The following PPDPF variants were observed in gnomAD, a reference collection of about 807,000 sequenced individuals.
PPDPF encodes the protein pancreatic progenitor cell differentiation and proliferation factor.
In PPDPF, 11 loss-of-function variants were observed where a neutral mutation model predicts 6.3. The observed-to-expected ratio is 1.76, with a 90% confidence interval of 1.11 to 2.91. PPDPF has a LOEUF of 2.91. Ranked by LOEUF, PPDPF falls within the 30% of genes most tolerant of loss-of-function variation. PPDPF has a pLI of 0.00. For missense variants in PPDPF, 202 were observed against 159.4 expected, an observed-to-expected ratio of 1.27 and a Z score of -1.44; for synonymous variants, 86 against 64.5, an observed-to-expected ratio of 1.33 and a Z score of -1.60.
chr20:63,520,760 TGCGCACCCC>T (rs1457554530), exon 1 of PPDPF: 1 of 983,952 alleles, frequency 1.0e-6, no homozygotes, highest in African/African-American at 1.8e-5. Flanking sequence ...CGTCCGCGCG[TGCGCACCCC>T]GCGCGCGCCT....
In PPDPF at chr20:63,521,728, T is replaced by TCCC. The variant is rs1260759404; in HGVS notation, c.195_197dup (p.Pro66dup). The TCCC allele has an allele frequency of 6.2e-7, 1 of 1,613,226 alleles. No homozygotes were observed. Among genetic ancestry groups the TCCC allele is most frequent in the Non-Finnish European group, 8.5e-7 (1 of 1,179,988 alleles). On this transcript the variant is annotated inframe_insertion, in exon 4 of 4. Transcript: ENST00000370179. ...AGCTTCTTTTTCGGGAAGTCCACCC[T>TCCC]CCCGTTCATGGCCACGGTGTTGGAG...
chr20:63,521,244 A>G (rs2082541427), intron 1 of PPDPF, 40 bp from the exon 2 acceptor site: 1 of 1,506,984 alleles, frequency 6.6e-7, no homozygotes, highest in Non-Finnish European at 8.9e-7. Flanking sequence ...TCATGACGGA[A>G]GGCCGCTGAC....
In PPDPF at chr20:63,521,547, A is replaced by G; in HGVS notation, c.91A>G (p.Ser31Gly). 1 of 1,600,452 alleles carries G rather than the reference A, an allele frequency of 6.2e-7. No individual in the cohort carries two copies. The highest frequency in any genetic ancestry group is 8.5e-7 in the Non-Finnish European group (1 of 1,172,918). ...LGSTSSNSSC[S>G]STECPGEAIP... ...TTCCACTTCCAGCAACAGCTCCTGC[A>G]GCAGTACCGAGTGCCCCGGGGAAGC... The change falls in exon 3 of 4, where the codon AGC (serine) becomes GGC (glycine). Residue 31 changes from serine to glycine, a missense_variant. Physicochemically the swap from Ser to Gly is moderately conservative, Grantham distance 56 (BLOSUM62 0). Transcript: ENST00000370179.
chr20:63,521,952 CACTCCGCA>C lies in PPDPF; in HGVS notation c.*74_*81del. On this transcript the variant is annotated 3_prime_UTR_variant, in exon 4 of 4. Transcript: ENST00000370179. The stretch of plus-strand genomic sequence containing the variant: ...CAGAGCCCCTCCCCGCCCCTCTCCC[CACTCCGCA>C]TCCCTCGCCCCCCTCCCCACCTCCC... 1 of 1,196,130 alleles carries C rather than the reference CACTCCGCA, an allele frequency of 8.4e-7. No individual in the cohort carries two copies. The highest frequency in any genetic ancestry group is 1.2e-6 in the Non-Finnish European group (1 of 860,070). 74.1% of individuals were successfully genotyped at this position (1,196,130 alleles called of 1,614,324 possible).
At chr20:63,521,147 C>T (rs151307704) in intron 1 of PPDPF, 137 bp from the exon 2 acceptor site, 1 of 955,600 alleles carries the variant, frequency 1.0e-6, no homozygotes, top group Admixed American at 3.4e-5. Flanking sequence ...GCCCGCGCCC[C>T]GCGCGGCGAA....
In PPDPF at chr20:63,520,890, C is replaced by T. The variant is rs1027670813; in HGVS notation, c.-30C>T. The T allele has an allele frequency of 1.8e-4, 183 of 996,220 alleles. No homozygotes were observed. The highest frequency in any genetic ancestry group is 6.1e-4 in the Admixed American group (10 of 16,494). 61.7% of individuals were successfully genotyped at this position (996,220 alleles called of 1,614,324 possible). ...CGCCGAGGCCCGCGAGGGGTCGCCG[C>T]CCAGGTGAGGGGCGCCGCGCGCGGG... On this transcript the variant is annotated 5_prime_UTR_variant, in exon 1 of 4. Coordinates refer to ENST00000370179, the MANE Select transcript of PPDPF (RefSeq NM_024299.4).
chr20:63,521,466 G>A (rs310626), intron 2 of PPDPF, 46 bp from the exon 3 acceptor site: 46,352 of 1,562,170 alleles, frequency 0.03, 1,771 homozygotes, highest in Admixed American at 0.18. Flanking sequence ...CCGGTGGGCT[G>A]GGGGGCTCCG....
Position 63,521,810 on chromosome 20 carries a change from G to C in PPDPF, c.276G>C (p.Leu92=), listed in dbSNP as rs780089902. ...QASSSMTACG[L]ARDAPRKQPG... ...CCAGCAGCATGACCGCCTGTGGCCT[G>C]GCTCGGGACGCCCCGAGGAAGCAGC... Residue 92 remains leucine (L), a synonymous_variant, in exon 4 of 4, where the codon CTG becomes CTC. Transcript: ENST00000370179. The C allele has an allele frequency of 1.9e-6, 3 of 1,611,718 alleles. No homozygotes were observed. The African/African-American group carries it at 4.0e-5, about 22-fold the overall frequency.
Position 63,522,038 on chromosome 20 carries a change from A to C in PPDPF, c.*159A>C. The C allele has an allele frequency of 4.8e-6, 3 of 627,902 alleles. No individual in the cohort carries two copies. The highest frequency in any genetic ancestry group is 2.5e-5 in the Admixed American group (1 of 39,832). 38.9% of individuals were successfully genotyped at this position (627,902 alleles called of 1,614,324 possible). On this transcript the variant is annotated 3_prime_UTR_variant, in exon 4 of 4. Transcript: ENST00000370179. ...GCAGCAAGCAGACCTTCGCATCAAC[A>C]CAGCAGACACCAAAAACCAGTGAGA... is the stretch of plus-strand genomic sequence containing the variant.
Position 63,520,875 on chromosome 20 carries a change from C to T in PPDPF, c.-45C>T, listed in dbSNP as rs1177901881. The T allele has an allele frequency of 3.0e-6, 3 of 992,080 alleles. No individual in the cohort carries two copies. The highest frequency in any genetic ancestry group is 6.1e-5 in the Admixed American group (1 of 16,386). 61.5% of individuals were successfully genotyped at this position (992,080 alleles called of 1,614,324 possible). ...CCACCCGTGATCGTGCGCCGAGGCC[C>T]GCGAGGGGTCGCCGCCCAGGTGAGG... On this transcript the variant is annotated 5_prime_UTR_variant, in exon 1 of 4. Transcript: ENST00000370179.
Position 63,520,784 on chromosome 20 carries a change from G to C in PPDPF, c.-136G>C, listed in dbSNP as rs2082536970. On this transcript the variant is annotated 5_prime_UTR_variant, in exon 1 of 4. Transcript: ENST00000370179. ...GTGCGCACCCCGCGCGCGCCTCTCT[G>C]TCGTGGCGCGGCTTCCCGCGGTCTT... The C allele has an allele frequency of 7.2e-6, 7 of 974,306 alleles. No individual in the cohort carries two copies. Among genetic ancestry groups the C allele is most frequent in the Non-Finnish European group, 7.3e-6 (6 of 825,518 alleles). 60.4% of individuals were successfully genotyped at this position (974,306 alleles called of 1,614,324 possible).
At chr20:63,521,437 C>G in intron 2 of PPDPF, 74 bp downstream of exon 2, 1 of 1,581,830 alleles carries the variant, frequency 6.3e-7, no homozygotes, top group Non-Finnish European at 8.6e-7. Flanking sequence ...GGCTGCGGAA[C>G]CAGCGCTCGG....
chr20:63,520,853 C>G lies in PPDPF; in HGVS notation c.-67C>G. 1 of 988,692 alleles carries G rather than the reference C, an allele frequency of 1.0e-6. No individual in the cohort carries two copies. The highest frequency in any genetic ancestry group is 1.1e-4 in the East Asian group (1 of 8,934). 61.2% of individuals were successfully genotyped at this position (988,692 alleles called of 1,614,324 possible). A position where few individuals can be genotyped will look rare whatever the true frequency, so the allele number is the denominator to read the frequency against. On this transcript the variant is annotated 5_prime_UTR_variant, in exon 1 of 4. Coordinates refer to ENST00000370179, the MANE Select transcript of PPDPF (RefSeq NM_024299.4). The stretch of plus-strand genomic sequence containing the variant: ...TGGCCTAGCGCCCCCGTCCCCGCCA[C>G]CCGTGATCGTGCGCCGAGGCCCGCG...
chr20:63,521,201 A>T, intron 1 of PPDPF, 83 bp from the exon 2 acceptor site: 2 of 1,297,826 alleles, frequency 1.5e-6, no homozygotes, highest in Non-Finnish European at 2.1e-6. Flanking sequence ...TAAATAACCC[A>T]GCGCGGCGGC....
chr20:63,521,180 C>A, intron 1 of PPDPF, 104 bp from the exon 2 acceptor site: 1 of 1,139,630 alleles, frequency 8.8e-7, no homozygotes, highest in Non-Finnish European at 1.2e-6. Context: ...AGCTGGGGAG[C>A]CCCGCCTCGG....
chr20:63,521,330 G>C lies in PPDPF; in HGVS notation c.22G>C (p.Gly8Arg). The change falls in exon 2 of 4, where the codon GGC becomes CGC. Residue 8 changes from glycine to arginine, a missense_variant. By Grantham distance (125) the Gly-to-Arg change is moderately radical (BLOSUM62 -2). Coordinates refer to ENST00000370179, the MANE Select transcript of PPDPF (RefSeq NM_024299.4). ...AAGCATGGCGGCCATCCCCTCCAGC[G>C]GCTCGCTCGTGGCCACCCACGACTA... MAAIPSS[G>R]SLVATHDYYR... is the part of the protein sequence containing the mutation. 1 of 1,609,412 alleles carries C rather than the reference G, an allele frequency of 6.2e-7. No homozygotes were observed. Among genetic ancestry groups the C allele is most frequent in the South Asian group, 1.1e-5 (1 of 90,750 alleles).
chr20:63,521,971 C>T lies in PPDPF; in HGVS notation c.*92C>T, dbSNP rs769265128. On this transcript the variant is annotated 3_prime_UTR_variant, in exon 4 of 4. Coordinates refer to ENST00000370179, the MANE Select transcript of PPDPF (RefSeq NM_024299.4). ...TCTCCCCACTCCGCATCCCTCGCCCCCCTCCCCACCTCCCACCCCCCACCC... is the reference window on the plus strand; with the variant it reads ...TCTCCCCACTCCGCATCCCTCGCCCTCCTCCCCACCTCCCACCCCCCACCC... 109 of 965,264 alleles carry T rather than the reference C, an allele frequency of 1.1e-4. No individual in the cohort carries two copies. Among genetic ancestry groups the T allele is most frequent in the Admixed American group, 2.0e-4 (8 of 40,822 alleles). The allele number at this position is 965,264 out of a possible 1,614,324, so 59.8% of individuals were successfully genotyped here.
chr20:63,521,421 C>T, intron 2 of PPDPF, 58 bp downstream of exon 2: 4 of 1,587,202 alleles, frequency 2.5e-6, no homozygotes, highest in Non-Finnish European at 3.4e-6. Context: ...GTGCCGGCCC[C>T]GTGCAGGCTG....
At chr20:63,521,259 G>A in intron 1 of PPDPF, 25 bp from the exon 2 acceptor site, 1 of 1,554,588 alleles carries the variant, frequency 6.4e-7, no homozygotes, top group Non-Finnish European at 8.7e-7. Flanking sequence ...GCTGACCCGA[G>A]GGGCTCCTCC....
Sources: gnomAD v4.1 joint callset for allele counts on GRCh38, gnomAD v4.1.1 for gene constraint, MANE v1.5 for transcripts, NCBI Gene and HGNC (gene_info 2026-07-23, HGNC 2026-07-21) for gene names.